The following RBFOX3 variants were observed in gnomAD, a reference collection of about 807,000 sequenced individuals.
RBFOX3 encodes the protein RNA binding fox-1 homolog 3.
RBFOX3 carries 17 observed loss-of-function variants against 48.7 expected under a neutral mutation model. The observed-to-expected ratio is 0.35, with a 90% CI of 0.24 to 0.52. RBFOX3 has a LOEUF of 0.52. Among genes scored for constraint, RBFOX3 ranks in the 20% least tolerant of loss-of-function variants. The probability of loss-of-function intolerance (pLI) is 0.94; values close to 1 mark genes in which losing one functional copy is unlikely to be tolerated. For missense variants in RBFOX3, 382 were observed against 497.5 expected (o/e 0.77, Z 2.21); for synonymous variants, 212 against 209.5 (o/e 1.01, Z -0.10).
intron 1 of RBFOX3, among the ~76,000 whole-genome samples, chr17:79,503,408 T>C (rs2082630503): frequency 6.6e-6 from 1 of 152,210 alleles, no homozygotes; most frequent in Non-Finnish European, 1.5e-5. Context: ...TTTTAAAAAA[T>C]TGAAAACAAG....
chr17:79,388,669 G>A (rs2060916777), intron 2 of RBFOX3, among the ~76,000 whole-genome samples: 1 of 152,150 alleles, frequency 6.6e-6, no homozygotes, highest in Non-Finnish European at 1.5e-5. Context: ...ACCCTCTAGT[G>A]GCCACGGAGG....
rs1007243375 is a variant in RBFOX3, at chr17:79,111,094, C to T, written c.223-4306G>A. Among the ~76,000 whole-genome samples the T allele has an allele frequency of 6.6e-6, 1 of 152,218 alleles. No individual in the cohort carries two copies. Among genetic ancestry groups the T allele is most frequent in the Non-Finnish European group, 1.5e-5 (1 of 68,038 alleles). The stretch of plus-strand genomic sequence containing the variant: ...TCCAAATGGAAGATCAGGGCAAGTG[C>T]GGGAGTTTCCGAGGAGGCTCAGGCC... On this transcript the variant is annotated intron_variant, in intron 5 of 14. Coordinates refer to ENST00000693108, the MANE Select transcript of RBFOX3 (RefSeq NM_001350451.2). The surrounding 1 kb of genome is among the most constrained non-coding windows in gnomAD (Gnocchi z 4.2).
intron 2 of RBFOX3, among the ~76,000 whole-genome samples, chr17:79,478,554 A>AT: frequency 6.6e-6 from 1 of 152,372 alleles, no homozygotes; most frequent in East Asian, 1.9e-4. Flanking sequence ...CATCTAGAGA[A>AT]GAGACAACCG....
chr17:79,381,327 A>T (rs2059892843), intron 2 of RBFOX3, among the ~76,000 whole-genome samples: 1 of 152,112 alleles, frequency 6.6e-6, no homozygotes, highest in South Asian at 2.1e-4. Context: ...AACCTGATAC[A>T]TTCTAAACAT....
intron 4 of RBFOX3, among the ~76,000 whole-genome samples, chr17:79,169,745 T>C (rs1175136696): frequency 6.6e-6 from 1 of 152,220 alleles, no homozygotes; most frequent in Non-Finnish European, 1.5e-5. Flanking sequence ...TGGCTGCCAC[T>C]GGGCATGGTA....
chr17:79,650,845 C>T, the RBFOX3 span, among the ~76,000 whole-genome samples: 3 of 152,190 alleles, frequency 2.0e-5, no homozygotes, highest in Non-Finnish European at 2.9e-5. Flanking sequence ...GCCCTGCAGG[C>T]TCCAGGGTGG....
In RBFOX3 at chr17:79,489,366, C is replaced by T. The variant is rs1471093584; in HGVS notation, c.-319-6768G>A. Among the ~76,000 whole-genome samples, 4 of 152,218 alleles carry T rather than the reference C, an allele frequency of 2.6e-5. No individual in the cohort carries two copies. The East Asian group carries it at 7.7e-4, about 29-fold the overall frequency. On this transcript the variant is annotated intron_variant, in intron 1 of 14. Coordinates refer to ENST00000693108, the MANE Select transcript of RBFOX3 (RefSeq NM_001350451.2). The stretch of plus-strand genomic sequence containing the variant: ...CTGGAGTGCAGTAACTTGAACACAG[C>T]TCACTGCAGCCTCCACCGCCCAGGC...
At chr17:79,358,459 T>C (rs1300220145) in intron 2 of RBFOX3, among the ~76,000 whole-genome samples, 1 of 152,160 alleles carries the variant, frequency 6.6e-6, no homozygotes, top group Non-Finnish European at 1.5e-5. Flanking sequence ...ATTTTTCTTT[T>C]CTTTCTTTTT....
intron 2 of RBFOX3, among the ~76,000 whole-genome samples, chr17:79,462,956 C>T (rs2075581848): frequency 6.6e-6 from 1 of 151,996 alleles, no homozygotes; most frequent in Non-Finnish European, 1.5e-5. Flanking sequence ...GTTCGATTGC[C>T]CTGTTGCCAC....
intron 4 of RBFOX3, among the ~76,000 whole-genome samples, chr17:79,222,097 T>A (rs966701180): frequency 6.6e-6 from 1 of 150,396 alleles, no homozygotes; most frequent in Non-Finnish European, 1.5e-5. Flanking sequence ...TTTCTACCCA[T>A]TGCCTGATTT....
intron 2 of RBFOX3, among the ~76,000 whole-genome samples, chr17:79,478,248 A>G (rs1555764125): frequency 2.0e-5 from 3 of 152,192 alleles, no homozygotes; most frequent in African/African-American, 7.2e-5. Context: ...AAGCACGCTC[A>G]TTTGGAGATG....
At chr17:79,603,916 G>A (rs2145414591) in intron 1 of RBFOX3, 1 of 152,424 alleles carries the variant, frequency 6.6e-6, no homozygotes, top group Non-Finnish European at 1.5e-5. Flanking sequence ...GCCACCATCA[G>A]AGGTCAGCTC....
At chr17:79,545,527 C>T (rs898805595) in intron 1 of RBFOX3, among the ~76,000 whole-genome samples, 4 of 152,202 alleles carry the variant, frequency 2.6e-5, no homozygotes, top group Admixed American at 2.0e-4. Context: ...CCAGAGGGAG[C>T]GGAGGTCTCC....
At chr17:79,568,543 TCTG>T (rs1337202271) in intron 1 of RBFOX3, among the ~76,000 whole-genome samples, 12 of 152,230 alleles carry the variant, frequency 7.9e-5, no homozygotes, top group Admixed American at 7.2e-4. Flanking sequence ...TAGGCAAACT[TCTG>T]CTGGTTCCCC....
intron 4 of RBFOX3, among the ~76,000 whole-genome samples, chr17:79,149,919 T>G (rs2043940188): frequency 1.5e-5 from 2 of 134,996 alleles, no homozygotes; most frequent in Non-Finnish European, 1.6e-5. Context: ...GCAGTGACAG[T>G]GGCTGCGCTG....
At chr17:79,338,445 G>A (rs1387583425) in intron 2 of RBFOX3, among the ~76,000 whole-genome samples, 1 of 152,154 alleles carries the variant, frequency 6.6e-6, no homozygotes, top group Non-Finnish European at 1.5e-5. Flanking sequence ...TCTTTCCATG[G>A]AATTTCAGGG....
chr17:79,369,060 C>G (rs1465539463), intron 2 of RBFOX3, among the ~76,000 whole-genome samples: 1 of 152,134 alleles, frequency 6.6e-6, no homozygotes, highest in Non-Finnish European at 1.5e-5. Context: ...TCCAACCACA[C>G]CAGCTCTGCC....
intron 14 of RBFOX3, chr17:79,092,421 G>A: frequency 1.0e-6 from 1 of 985,752 alleles, no homozygotes; most frequent in African/African-American, 1.7e-5. Context: ...GGGGTGGGGA[G>A]ACCAACTGGC....
intron 4 of RBFOX3, among the ~76,000 whole-genome samples, chr17:79,202,321 C>A (rs1190174916): frequency 2.0e-5 from 3 of 152,110 alleles, no homozygotes; most frequent in Non-Finnish European, 4.4e-5. Context: ...AACTCTGGGG[C>A]TGTGTCGGGT....
Sources: allele counts gnomAD v4.1 joint callset (sites outside exome capture counted in the v4.1 genomes callset), GRCh38; gene constraint gnomAD v4.1.1; non-coding constraint Gnocchi (gnomAD v3.1); transcripts MANE v1.5; gene names NCBI Gene and HGNC (gene_info 2026-07-23, HGNC 2026-07-21).